ARB2A: variants seen among roughly 807,000 people sequenced by gnomAD.
ARB2A encodes the protein ARB2 cotranscriptional regulator A.
the ARB2A span, among the ~76,000 whole-genome samples, chr5:93,974,015 A>G: frequency 6.6e-6 from 1 of 152,218 alleles, no homozygotes; most frequent in Non-Finnish European, 1.5e-5. Flanking sequence ...CAACTAGCTA[A>G]CGACACCACA....
the ARB2A span, among the ~76,000 whole-genome samples, chr5:94,046,123 G>A: frequency 1.3e-5 from 2 of 152,014 alleles, no homozygotes; most frequent in Non-Finnish European, 2.9e-5. Flanking sequence ...AATAGTAGTT[G>A]GTTAAATTTC....
the ARB2A span, chr5:94,074,655 C>A: frequency 2.5e-6 from 4 of 1,611,522 alleles, no homozygotes; most frequent in South Asian, 3.3e-5. Flanking sequence ...CCTTTCAGTG[C>A]GGTAGTCTTT....
At chr5:93,975,168 T>C in the ARB2A span, among the ~76,000 whole-genome samples, 2 of 151,590 alleles carry the variant, frequency 1.3e-5, no homozygotes. Flanking sequence ...TACAAAAAAT[T>C]AGCTGGGCAT....
chr5:93,880,043 T>C, the ARB2A span, among the ~76,000 whole-genome samples: 3 of 151,800 alleles, frequency 2.0e-5, no homozygotes, highest in Admixed American at 1.3e-4. Flanking sequence ...GATGTAATCA[T>C]ATGAAAGAAA....
At chr5:93,952,783 C>A in the ARB2A span, among the ~76,000 whole-genome samples, 1 of 152,112 alleles carries the variant, frequency 6.6e-6, no homozygotes, top group Admixed American at 6.5e-5. Context: ...TCTACCACTT[C>A]TTTATGGTCA....
At chr5:93,741,741 G>A in the ARB2A span, 4 of 671,078 alleles carry the variant, frequency 6.0e-6, no homozygotes, top group African/African-American at 3.6e-5. Context: ...GGGTCCTAGG[G>A]TTAAGGGAGT....
chr5:93,872,940 T>A, the ARB2A span, among the ~76,000 whole-genome samples: 1 of 150,712 alleles, frequency 6.6e-6, no homozygotes, highest in Non-Finnish European at 1.5e-5. Context: ...AGAAAAAAAA[T>A]AATGGCTGAT....
the ARB2A span, among the ~76,000 whole-genome samples, chr5:93,924,245 T>C: frequency 6.6e-6 from 1 of 152,046 alleles, no homozygotes; most frequent in East Asian, 1.9e-4. Flanking sequence ...CAAAAGGGTG[T>C]GAAGAAGGGA....
chr5:93,947,878 G>T, the ARB2A span, among the ~76,000 whole-genome samples: 2 of 151,600 alleles, frequency 1.3e-5, no homozygotes, highest in African/African-American at 4.8e-5. Flanking sequence ...AGTATTCCAT[G>T]GTGTATATGT....
chr5:93,647,469 G>A, the ARB2A span, among the ~76,000 whole-genome samples: 2 of 150,808 alleles, frequency 1.3e-5, no homozygotes, highest in Admixed American at 6.6e-5. Flanking sequence ...CTTGGGATCC[G>A]CTGGCCTCGG....
chr5:94,025,721 G>A, the ARB2A span, among the ~76,000 whole-genome samples: 1 of 152,238 alleles, frequency 6.6e-6, no homozygotes, highest in Non-Finnish European at 1.5e-5. Flanking sequence ...ATAACTGAAT[G>A]AATGTTAGTA....
chr5:93,647,813 T>C, the ARB2A span, among the ~76,000 whole-genome samples: 157 of 152,270 alleles, frequency 1.0e-3, 1 homozygote, highest in African/African-American at 3.7e-3. Context: ...GATGAACCAC[T>C]GCGCCAAGTG....
At chr5:93,664,130 G>A in the ARB2A span, among the ~76,000 whole-genome samples, 11 of 151,622 alleles carry the variant, frequency 7.3e-5, no homozygotes, top group Admixed American at 2.6e-4. Context: ...GGCGGGGGTG[G>A]GGGGCAGTGG....
chr5:94,012,315 T>C, the ARB2A span, among the ~76,000 whole-genome samples: 4 of 152,288 alleles, frequency 2.6e-5, no homozygotes, highest in South Asian at 6.2e-4. Flanking sequence ...GGCAGGAGAA[T>C]GGCGTGAACC....
At chr5:94,060,664 G>A in the ARB2A span, among the ~76,000 whole-genome samples, 1 of 152,088 alleles carries the variant, frequency 6.6e-6, no homozygotes, top group Non-Finnish European at 1.5e-5. Flanking sequence ...CATGTTAGAA[G>A]ATCAGTATTA....
chr5:93,641,287 G>A, the ARB2A span, among the ~76,000 whole-genome samples: 2 of 151,030 alleles, frequency 1.3e-5, no homozygotes, highest in African/African-American at 4.9e-5. Context: ...TTTAGATCTT[G>A]TTAAAGTAGA....
chr5:93,770,118 C>T, the ARB2A span, among the ~76,000 whole-genome samples: 1 of 152,056 alleles, frequency 6.6e-6, no homozygotes, highest in Non-Finnish European at 1.5e-5. Flanking sequence ...TGCTCTTAAA[C>T]CCGAAGGTAT....
the ARB2A span, among the ~76,000 whole-genome samples, chr5:93,982,254 T>C: frequency 6.6e-6 from 1 of 152,184 alleles, no homozygotes; most frequent in African/African-American, 2.4e-5. Flanking sequence ...TTAAATTAAA[T>C]TGAAAATTCC....
At chr5:93,952,663 C>G in the ARB2A span, among the ~76,000 whole-genome samples, 4 of 152,094 alleles carry the variant, frequency 2.6e-5, no homozygotes, top group African/African-American at 9.7e-5. Context: ...GTTAAATCTG[C>G]TTGGAGTTCC....
Sources: allele counts gnomAD v4.1 joint callset (sites outside exome capture counted in the v4.1 genomes callset), GRCh38; gene constraint gnomAD v4.1.1; transcripts MANE v1.5; gene names NCBI Gene and HGNC (gene_info 2026-07-23, HGNC 2026-07-21).